Variants in HS3ST4 observed in about 807,000 individuals in gnomAD.
HS3ST4 encodes the protein heparan sulfate glucosamine 3-O-sulfotransferase 4.
A neutral mutation model predicts 29.2 loss-of-function variants in HS3ST4; 17 were observed. The ratio of observed to expected loss-of-function variants is 0.58; its 90% confidence interval spans 0.40 to 0.87. The LOEUF (loss-of-function observed/expected upper bound fraction) is 0.87, where lower values mean the gene tolerates loss of function less well. Among genes scored for constraint, HS3ST4 ranks in the 40% least tolerant of loss-of-function variants. HS3ST4 has a pLI of 0.00. For synonymous variants in HS3ST4, 314 were observed against 285.7 expected, an observed-to-expected ratio of 1.10 and a Z score of -1.00; for missense variants, 627 against 634.5, an observed-to-expected ratio of 0.99 and a Z score of 0.13.
Position 25,883,145 on chromosome 16 carries a change from ATTTTT to A in HS3ST4, c.734+190012_734+190016del, listed in dbSNP as rs10581302. On this transcript the variant is annotated intron_variant, in intron 1 of 1. Transcript: ENST00000331351. ...CTGCTGCTTCTCTCTGGCCCATACG[ATTTTT>A]TTTTTTTTTTTTTTTTTCAGACAAA... Among the ~76,000 whole-genome samples, 300 of 142,098 alleles carry A rather than the reference ATTTTT, an allele frequency of 2.1e-3. 2 individuals are homozygous for A. The highest frequency in any genetic ancestry group is 6.6e-3 in the African/African-American group (258 of 38,830). 93.2% of individuals were successfully genotyped at this position (142,098 alleles called of 152,430 possible).
chr16:25,722,776 T>C (rs973504297), intron 1 of HS3ST4, among the ~76,000 whole-genome samples: 2 of 152,202 alleles, frequency 1.3e-5, no homozygotes, highest in Non-Finnish European at 2.9e-5. Context: ...CTCAGTTTGC[T>C]TATCAGTAAA....
chr16:25,962,983 A>T (rs534645944), intron 1 of HS3ST4, among the ~76,000 whole-genome samples: 1 of 152,306 alleles, frequency 6.6e-6, no homozygotes, highest in African/African-American at 2.4e-5. Context: ...ACTACCACCC[A>T]AGATGTAGAG....
At chr16:26,052,255 T>C (rs1187036053) in intron 1 of HS3ST4, among the ~76,000 whole-genome samples, 1 of 152,184 alleles carries the variant, frequency 6.6e-6, no homozygotes, top group Non-Finnish European at 1.5e-5. Flanking sequence ...ATCCTATTTC[T>C]ACTCGGCTGT....
intron 1 of HS3ST4, among the ~76,000 whole-genome samples, chr16:25,986,885 G>A (rs1200179948): frequency 2.0e-5 from 3 of 152,210 alleles, no homozygotes; most frequent in South Asian, 2.1e-4. Flanking sequence ...TTGCCACTGC[G>A]CTACATCTCA....
rs188384220 is a variant in HS3ST4, at chr16:25,919,809, T to C, written c.735-215803T>C. On this transcript the variant is annotated intron_variant, in intron 1 of 1. Transcript: ENST00000331351. ...GGGGTCTTAAACATGTCCTGTGGAG[T>C]TGGAAATAATGCTAGAGGAGTGATA... 6.1e-4 allele frequency among the ~76,000 whole-genome samples: 93 copies of C among 152,026 alleles called. 1 individual carries two copies. In the East Asian group the frequency reaches 0.016, roughly 26 times the overall value.
chr16:25,891,060 T>G (rs2141668823), intron 1 of HS3ST4, among the ~76,000 whole-genome samples: 1 of 152,262 alleles, frequency 6.6e-6, no homozygotes, highest in East Asian at 1.9e-4. Context: ...CTTGGTGATG[T>G]GAGGATCTGC....
intron 1 of HS3ST4, among the ~76,000 whole-genome samples, chr16:26,003,873 G>A (rs943097107): frequency 6.6e-6 from 1 of 152,106 alleles, no homozygotes; most frequent in Admixed American, 6.5e-5. Flanking sequence ...GCCTACCCCT[G>A]TGTGCTGGTG....
At chr16:25,748,379 G>A (rs1966698119) in intron 1 of HS3ST4, among the ~76,000 whole-genome samples, 1 of 152,114 alleles carries the variant, frequency 6.6e-6, no homozygotes, top group Admixed American at 6.6e-5. Flanking sequence ...TTTGCTAAGT[G>A]GAATGAAGAA....
intron 1 of HS3ST4, among the ~76,000 whole-genome samples, chr16:25,931,907 T>C (rs1968467399): frequency 6.6e-6 from 1 of 151,352 alleles, no homozygotes; most frequent in African/African-American, 2.4e-5. Context: ...CCTCACTGCT[T>C]CCAAAAGGCA....
chr16:25,695,337 G>T (rs1262938231), intron 1 of HS3ST4, among the ~76,000 whole-genome samples: 2 of 152,152 alleles, frequency 1.3e-5, no homozygotes. Context: ...ATTCTCTTAG[G>T]AACAAGCTTC....
intron 1 of HS3ST4, among the ~76,000 whole-genome samples, chr16:26,053,041 C>T (rs543141428): frequency 1.3e-5 from 2 of 152,316 alleles, no homozygotes; most frequent in South Asian, 2.1e-4. Flanking sequence ...GGGCACCTAG[C>T]GTAAGTCCTG....
rs1253775117 is a variant in HS3ST4 at position 25,996,502 on chromosome 16, T to C, written c.735-139110T>C. ...TCCATTTTATTATTTTTTTACCAAA[T>C]GATAGGCAATTGTGCCAGCACCATT... On this transcript the variant is annotated intron_variant, in intron 1 of 1. Coordinates refer to ENST00000331351, the MANE Select transcript of HS3ST4 (RefSeq NM_006040.3). Among the ~76,000 whole-genome samples the C allele has an allele frequency of 2.0e-5, 3 of 152,182 alleles. No homozygotes were observed. In the East Asian group the frequency reaches 5.8e-4, roughly 29 times the overall value.
chr16:26,110,825 C>T (rs930039652), intron 1 of HS3ST4, among the ~76,000 whole-genome samples: 4 of 152,102 alleles, frequency 2.6e-5, no homozygotes, highest in African/African-American at 9.7e-5. Context: ...CACTGTCTCC[C>T]TCTCTCACGC....
chr16:26,120,079 G>GTA lies in HS3ST4; in HGVS notation c.735-15532_735-15531insAT, dbSNP rs1213161918. Reference sequence around the variant, plus strand: ...TGTGTGTGTGTGTGTGTATGTGTGTGTGTGTGTGTGTGTATATGTGTGTGA... The same window carrying GTA: ...TGTGTGTGTGTGTGTGTATGTGTGTGTATGTGTGTGTGTGTATATGTGTGTGA... On this transcript the variant is annotated intron_variant, in intron 1 of 1. Transcript: ENST00000331351. 1.9e-4 allele frequency among the ~76,000 whole-genome samples: 24 copies of GTA among 127,990 alleles called. 1 individual carries two copies. In the South Asian group the frequency reaches 2.3e-3, roughly 12 times the overall value. 84.0% of individuals were successfully genotyped at this position (127,990 alleles called of 152,430 possible).
chr16:25,715,577 A>C (rs970467853), intron 1 of HS3ST4, among the ~76,000 whole-genome samples: 1 of 152,242 alleles, frequency 6.6e-6, no homozygotes, highest in Admixed American at 6.5e-5. Flanking sequence ...AAAAAAAGCA[A>C]ATACTTCTCT....
chr16:25,855,829 C>G (rs1339113239), intron 1 of HS3ST4, among the ~76,000 whole-genome samples: 1 of 151,954 alleles, frequency 6.6e-6, no homozygotes, highest in African/African-American at 2.4e-5. Flanking sequence ...AAGTTTCAGT[C>G]CTTTAGTGGG....
chr16:25,838,324 T>G (rs531816167), intron 1 of HS3ST4, among the ~76,000 whole-genome samples: 3 of 152,312 alleles, frequency 2.0e-5, no homozygotes, highest in African/African-American at 7.2e-5. Flanking sequence ...TCTGACCCGA[T>G]TCATTCTCTT....
intron 1 of HS3ST4, among the ~76,000 whole-genome samples, chr16:25,847,882 T>TA (rs1203394553): frequency 6.6e-6 from 1 of 152,210 alleles, no homozygotes; most frequent in Non-Finnish European, 1.5e-5. Context: ...AAATTACTTA[T>TA]CTATTTGTTA....
chr16:25,997,757 G>C (rs1969169831), intron 1 of HS3ST4, among the ~76,000 whole-genome samples: 1 of 152,132 alleles, frequency 6.6e-6, no homozygotes, highest in Admixed American at 6.6e-5. Flanking sequence ...GGACCTTCCT[G>C]GATCAAGTGC....
Sources: allele counts gnomAD v4.1 joint callset (sites outside exome capture counted in the v4.1 genomes callset), GRCh38; gene constraint gnomAD v4.1.1; transcripts MANE v1.5; gene names NCBI Gene and HGNC (gene_info 2026-07-23, HGNC 2026-07-21).